CNTNAP5: variants seen among roughly 807,000 people sequenced by gnomAD.
The protein encoded by CNTNAP5 is contactin associated protein family member 5.
In CNTNAP5, 72 loss-of-function variants were observed where a neutral mutation model predicts 150.2. The observed-to-expected ratio is 0.48, with a 90% confidence interval of 0.40 to 0.58. CNTNAP5 has a LOEUF of 0.58. CNTNAP5 is among the 20% of genes least tolerant of loss of function. The pLI is 0.00. For missense variants in CNTNAP5, 1,636 were observed against 1,626.2 expected (o/e 1.01, Z -0.10); for synonymous variants, 672 against 619.8 (o/e 1.08, Z -1.25).
At chr2:124,637,139 A>G (rs961784830) in intron 12 of CNTNAP5, among the ~76,000 whole-genome samples, 2 of 152,186 alleles carry the variant, frequency 1.3e-5, no homozygotes, top group African/African-American at 2.4e-5. Flanking sequence ...AAGTCCTACA[A>G]TGTGTTTTAT....
rs560209727 is a variant in CNTNAP5, at chr2:124,528,180, G to C, written c.1649+724G>C. 1.1e-4 allele frequency among the ~76,000 whole-genome samples: 16 copies of C among 152,230 alleles called. No homozygotes were observed. The South Asian group carries it at 1.9e-3, about 18-fold the overall frequency. Reference sequence around the variant, plus strand: ...TTGTCAAAATATCGTTTATAGAATGGGTGAATAATATCTGTTCAGTGCTTG... The same window carrying C: ...TTGTCAAAATATCGTTTATAGAATGCGTGAATAATATCTGTTCAGTGCTTG... On this transcript the variant is annotated intron_variant, in intron 10 of 23. Coordinates refer to ENST00000682447, the MANE Select transcript of CNTNAP5 (RefSeq NM_001367498.1).
chr2:124,057,533 G>A (rs777300765), intron 1 of CNTNAP5, among the ~76,000 whole-genome samples: 3 of 142,412 alleles, frequency 2.1e-5, no homozygotes, highest in African/African-American at 2.6e-5. Flanking sequence ...CTCGTGATCC[G>A]CCCGCCTTGG....
At chr2:124,526,411 C>G (rs79279304) in intron 9 of CNTNAP5, among the ~76,000 whole-genome samples, 2,489 of 152,284 alleles carry the variant, frequency 0.016, 49 homozygotes, top group African/African-American at 0.054. Context: ...CCAGCAGTGA[C>G]TGTCTATTAG....
rs373274063 is a variant in CNTNAP5, at chr2:124,534,316, A to C, written c.1649+6860A>C. ...GAGTAAAGTGAAAGCAAGTTTATTA[A>C]GAAAGTAAAGGAATAGAAAAATGGC... On this transcript the variant is annotated intron_variant, in intron 10 of 23. Coordinates refer to ENST00000682447, the MANE Select transcript of CNTNAP5 (RefSeq NM_001367498.1). Among the ~76,000 whole-genome samples, 14 of 152,306 alleles carry C rather than the reference A, an allele frequency of 9.2e-5. No homozygotes were observed. The East Asian group carries it at 1.4e-3, about 15-fold the overall frequency.
At chr2:124,344,125 T>C (rs762223428) in intron 3 of CNTNAP5, among the ~76,000 whole-genome samples, 1 of 152,090 alleles carries the variant, frequency 6.6e-6, no homozygotes, top group Non-Finnish European at 1.5e-5. Context: ...TGCAAACACA[T>C]TGAAGATCGA....
chr2:124,268,656 A>G (rs72962873), intron 3 of CNTNAP5, among the ~76,000 whole-genome samples: 7,915 of 152,258 alleles, frequency 0.052, 611 homozygotes, highest in African/African-American at 0.17. Flanking sequence ...AATACATGAT[A>G]CACATCACCC....
chr2:124,600,765 G>GAA (rs1265946473), intron 11 of CNTNAP5, among the ~76,000 whole-genome samples: 1 of 113,144 alleles, frequency 8.8e-6, no homozygotes, highest in Admixed American at 1.0e-4. Flanking sequence ...GAGAGAGAGA[G>GAA]AGAAAGAGAG....
At chr2:124,909,974 C>T (rs1450145412) in intron 22 of CNTNAP5, among the ~76,000 whole-genome samples, 1 of 151,180 alleles carries the variant, frequency 6.6e-6, no homozygotes, top group Non-Finnish European at 1.5e-5. Context: ...TCAATGTCAC[C>T]AGTTCTGAAT....
chr2:124,173,768 C>A (rs1283566650), intron 1 of CNTNAP5, among the ~76,000 whole-genome samples: 1 of 152,180 alleles, frequency 6.6e-6, no homozygotes, highest in Non-Finnish European at 1.5e-5. Context: ...GATGACATCA[C>A]TGATGAAGGT....
chr2:124,283,821 T>G (rs930677371), intron 3 of CNTNAP5, among the ~76,000 whole-genome samples: 13 of 152,208 alleles, frequency 8.5e-5, no homozygotes, highest in Admixed American at 5.9e-4. Flanking sequence ...AGCTGTGTCT[T>G]CACATGGTCT....
intron 13 of CNTNAP5, among the ~76,000 whole-genome samples, chr2:124,663,611 G>A (rs1678637704): frequency 6.6e-6 from 1 of 152,178 alleles, no homozygotes. Context: ...GAGAAAGAGA[G>A]AGAGGAAAGG....
At chr2:124,266,357 A>C (rs1356850776) in intron 3 of CNTNAP5, among the ~76,000 whole-genome samples, 1 of 152,166 alleles carries the variant, frequency 6.6e-6, no homozygotes, top group Non-Finnish European at 1.5e-5. Flanking sequence ...AGTGGATGAA[A>C]TCAACCACAT....
intron 1 of CNTNAP5, among the ~76,000 whole-genome samples, chr2:124,059,778 C>G (rs564591219): frequency 6.6e-6 from 1 of 152,046 alleles, no homozygotes; most frequent in East Asian, 1.9e-4. Flanking sequence ...CTGTGTGGCT[C>G]TGGTCTTCTG....
chr2:124,468,049 C>T (rs928267247), intron 6 of CNTNAP5, among the ~76,000 whole-genome samples: 1 of 152,060 alleles, frequency 6.6e-6, no homozygotes. Flanking sequence ...GGAGTCATGC[C>T]ATTCACGAGT....
chr2:124,101,334 C>T (rs922484183), intron 1 of CNTNAP5, among the ~76,000 whole-genome samples: 1 of 151,934 alleles, frequency 6.6e-6, no homozygotes, highest in African/African-American at 2.4e-5. Context: ...AGTAGAAGAC[C>T]TCAGACTCAA....
chr2:124,684,794 A>G (rs1679154074), intron 13 of CNTNAP5, among the ~76,000 whole-genome samples: 2 of 152,198 alleles, frequency 1.3e-5, no homozygotes, highest in Admixed American at 6.5e-5. Flanking sequence ...AATTCTCACA[A>G]CAAACTGTAA....
chr2:124,137,318 TG>T (rs1683997027), intron 1 of CNTNAP5, among the ~76,000 whole-genome samples: 1 of 152,170 alleles, frequency 6.6e-6, no homozygotes, highest in Non-Finnish European at 1.5e-5. Flanking sequence ...TTTTCAAATT[TG>T]TTCTCCATGT....
At chr2:124,910,086 GT>G (rs1268512452) in intron 22 of CNTNAP5, among the ~76,000 whole-genome samples, 1 of 151,552 alleles carries the variant, frequency 6.6e-6, no homozygotes, top group Non-Finnish European at 1.5e-5. Flanking sequence ...GATTTCAAGA[GT>G]CCTAGGAAAA....
intron 1 of CNTNAP5, among the ~76,000 whole-genome samples, chr2:124,150,942 A>G (rs1315761083): frequency 6.6e-6 from 1 of 152,226 alleles, no homozygotes; most frequent in Non-Finnish European, 1.5e-5. Flanking sequence ...AAGTAAATGC[A>G]GTCATTTTTT....
Sources: allele counts gnomAD v4.1 joint callset (sites outside exome capture counted in the v4.1 genomes callset), GRCh38; gene constraint gnomAD v4.1.1; transcripts MANE v1.5; gene names NCBI Gene and HGNC (gene_info 2026-07-23, HGNC 2026-07-21).